Variants in ZFPM2 observed in about 807,000 individuals in gnomAD.
ZFPM2 encodes zinc finger protein ZFPM2.
ZFPM2 carries 20 observed loss-of-function variants against 98.6 expected under a neutral mutation model. That is an observed-to-expected ratio of 0.20 (90% CI 0.14 to 0.29). The LOEUF (loss-of-function observed/expected upper bound fraction) is 0.29, where lower values mean the gene tolerates loss of function less well. ZFPM2 is among the 10% of genes least tolerant of loss of function. ZFPM2 has a pLI of 1.00. For missense variants in ZFPM2, 1,310 were observed against 1,388.6 expected (o/e 0.94, Z 0.90); for synonymous variants, 518 against 502.7 (o/e 1.03, Z -0.41).
chr8:105,477,320 C>T (rs1813033217), intron 3 of ZFPM2, among the ~76,000 whole-genome samples: 1 of 142,618 alleles, frequency 7.0e-6, no homozygotes, highest in Non-Finnish European at 1.5e-5. Context: ...TCTCAGCTCA[C>T]TGCAGCCTCC....
intron 5 of ZFPM2, among the ~76,000 whole-genome samples, chr8:105,700,163 G>A (rs1794377832): frequency 6.6e-6 from 1 of 152,188 alleles, no homozygotes; most frequent in South Asian, 2.1e-4. Flanking sequence ...AAGCAAGAGG[G>A]CCTAGAAAAT....
intron 4 of ZFPM2, among the ~76,000 whole-genome samples, chr8:105,576,095 C>A (rs1391776982): frequency 6.6e-6 from 1 of 152,086 alleles, no homozygotes; most frequent in Non-Finnish European, 1.5e-5. Context: ...AAAATCATTC[C>A]TACCCATGAA....
intron 3 of ZFPM2, among the ~76,000 whole-genome samples, chr8:105,530,461 C>A (rs1246786328): frequency 6.6e-6 from 1 of 152,092 alleles, no homozygotes; most frequent in African/African-American, 2.4e-5. Flanking sequence ...GATCGGGAGG[C>A]TAGAAGTCCA....
chr8:105,627,356 C>T (rs185780645), intron 4 of ZFPM2, among the ~76,000 whole-genome samples: 4 of 152,160 alleles, frequency 2.6e-5, no homozygotes, highest in Admixed American at 1.3e-4. Context: ...GGGTTCAAAC[C>T]GTGTCCAGGA....
chr8:105,556,912 G>A (rs532983818), intron 3 of ZFPM2, among the ~76,000 whole-genome samples: 1 of 152,018 alleles, frequency 6.6e-6, no homozygotes, highest in Admixed American at 6.6e-5. Context: ...TAACACAGAT[G>A]GGGTTTCACC....
At chr8:105,406,165 T>G (rs1191320883) in intron 1 of ZFPM2, among the ~76,000 whole-genome samples, 1 of 152,180 alleles carries the variant, frequency 6.6e-6, no homozygotes, top group Non-Finnish European at 1.5e-5. Flanking sequence ...CATTGTAGAT[T>G]CTGGATATTA....
intron 2 of ZFPM2, among the ~76,000 whole-genome samples, chr8:105,429,260 A>G (rs1811972038): frequency 6.6e-6 from 1 of 152,072 alleles, no homozygotes; most frequent in African/African-American, 2.4e-5. Context: ...AAGTTAGCCA[A>G]TACTGAGAAC....
intron 3 of ZFPM2, among the ~76,000 whole-genome samples, chr8:105,530,673 C>T (rs1814279005): frequency 6.6e-6 from 1 of 152,106 alleles, no homozygotes; most frequent in African/African-American, 2.4e-5. Flanking sequence ...TAGGGTCTAC[C>T]CTTATGACCT....
intron 5 of ZFPM2, among the ~76,000 whole-genome samples, chr8:105,720,998 A>T (rs1429828862): frequency 6.6e-6 from 1 of 151,920 alleles, no homozygotes; most frequent in Non-Finnish European, 1.5e-5. Context: ...AGTAAGAACG[A>T]CTGCATTGTA....
At chr8:105,566,312 C>G (rs1790943976) in intron 4 of ZFPM2, among the ~76,000 whole-genome samples, 1 of 152,080 alleles carries the variant, frequency 6.6e-6, no homozygotes, top group Admixed American at 6.6e-5. Context: ...TTTCCAGCAT[C>G]TCACCTCATA....
intron 4 of ZFPM2, among the ~76,000 whole-genome samples, chr8:105,587,225 A>C (rs1203596601): frequency 6.8e-5 from 10 of 147,102 alleles, no homozygotes; most frequent in East Asian, 2.1e-4. Context: ...TGCAGTGAGC[A>C]GAGATCGTGC....
At chr8:105,525,895 G>T (rs1283235845) in intron 3 of ZFPM2, among the ~76,000 whole-genome samples, 6 of 152,068 alleles carry the variant, frequency 3.9e-5, no homozygotes, top group African/African-American at 1.4e-4. Flanking sequence ...TTGAATGATG[G>T]TCAGTTTACA....
chr8:105,625,555 G>T (rs923062224), intron 4 of ZFPM2, among the ~76,000 whole-genome samples: 4 of 151,612 alleles, frequency 2.6e-5, no homozygotes, highest in Admixed American at 2.0e-4. Context: ...TGGTCATGGG[G>T]AATATTCAGG....
intron 1 of ZFPM2, among the ~76,000 whole-genome samples, chr8:105,377,589 C>G (rs1254408091): frequency 2.1e-5 from 3 of 141,038 alleles, no homozygotes; most frequent in Non-Finnish European, 4.5e-5. Context: ...TAGCAAAACC[C>G]CGTTTTTCTT....
chr8:105,624,855 G>A (rs370968929), intron 4 of ZFPM2, among the ~76,000 whole-genome samples: 1 of 152,154 alleles, frequency 6.6e-6, no homozygotes, highest in Non-Finnish European at 1.5e-5. Context: ...AGATAAAACT[G>A]TCTGACATAA....
intron 5 of ZFPM2, among the ~76,000 whole-genome samples, chr8:105,706,145 A>G (rs1372506521): frequency 6.6e-6 from 1 of 152,208 alleles, no homozygotes; most frequent in African/African-American, 2.4e-5. Context: ...CCAGATAGTA[A>G]GAGAAAGAGC....
chr8:105,581,608 G>C (rs1374216814), intron 4 of ZFPM2, among the ~76,000 whole-genome samples: 3 of 151,876 alleles, frequency 2.0e-5, no homozygotes, highest in African/African-American at 7.3e-5. Flanking sequence ...GGATATAATG[G>C]GCAAAAAGAC....
At chr8:105,561,784 T>C (rs1224670592) in intron 4 of ZFPM2, among the ~76,000 whole-genome samples, 1 of 152,126 alleles carries the variant, frequency 6.6e-6, no homozygotes, top group African/African-American at 2.4e-5. Context: ...ATATATAAAA[T>C]TGCCTTTATT....
chr8:105,517,426 G>A (rs1813948099), intron 3 of ZFPM2, among the ~76,000 whole-genome samples: 1 of 152,064 alleles, frequency 6.6e-6, no homozygotes, highest in African/African-American at 2.4e-5. Flanking sequence ...AAAATTATAT[G>A]TATTTACAGT....
Sources: allele counts gnomAD v4.1 joint callset (sites outside exome capture counted in the v4.1 genomes callset), GRCh38; gene constraint gnomAD v4.1.1; transcripts MANE v1.5; gene names NCBI Gene and HGNC (gene_info 2026-07-23, HGNC 2026-07-21).